The following GSTCD variants were observed in gnomAD, a reference collection of about 807,000 sequenced individuals.
GSTCD encodes the protein glutathione S-transferase C-terminal domain-containing protein.
GSTCD carries 44 observed loss-of-function variants against 68.3 expected under a neutral mutation model. The ratio of observed to expected loss-of-function variants is 0.64; its 90% CI spans 0.51 to 0.83. The LOEUF is 0.83. Ranked by LOEUF, GSTCD falls within the 40% of genes least tolerant of loss-of-function variation. GSTCD has a pLI of 0.00. For synonymous variants in GSTCD, 273 were observed against 255.2 expected (o/e 1.07, Z -0.67); for missense variants, 739 against 735.9 (o/e 1.00, Z -0.05).
Position 105,718,037 on chromosome 4 carries a change from G to A in GSTCD, c.424G>A (p.Glu142Lys). ...AAAGACTTGCTTGAAAGCCTGTGCT[G>A]AAGTAAGTATAATGTCTTTTTTCTG... is the stretch of plus-strand genomic sequence containing the variant. ...FKKTCLKACA[E>K]VSQWTRLCEL... is the part of the protein sequence containing the mutation. The change falls in exon 2 of 12, where the codon GAA (glutamate) becomes AAA (lysine). Residue 142 changes from glutamate (E) to lysine (K), a missense_variant and splice_region_variant. Transcript: ENST00000515279. The A allele has an allele frequency of 6.3e-7, 1 of 1,595,258 alleles. No individual in the cohort carries two copies. Among genetic ancestry groups the A allele is most frequent in the Non-Finnish European group, 8.5e-7 (1 of 1,172,974 alleles).
intron 5 of GSTCD, among the ~76,000 whole-genome samples, chr4:105,788,344 C>T (rs1463334605): frequency 6.6e-6 from 1 of 151,998 alleles, no homozygotes; most frequent in Non-Finnish European, 1.5e-5. Context: ...CCAGTTTTCC[C>T]AAAGTCACAA....
chr4:105,734,783 GCT>G (rs1299532016), intron 5 of GSTCD, among the ~76,000 whole-genome samples: 1 of 152,136 alleles, frequency 6.6e-6, no homozygotes, highest in African/African-American at 2.4e-5. Flanking sequence ...CAGCTTTTCT[GCT>G]CTGTTTTTTC....
intron 5 of GSTCD, among the ~76,000 whole-genome samples, chr4:105,744,259 A>G (rs1434506782): frequency 2.0e-5 from 3 of 152,228 alleles, no homozygotes; most frequent in Non-Finnish European, 4.4e-5. Context: ...AGTGCAGCCT[A>G]TCAGGAGGCA....
chr4:105,723,140 G>A (rs1026175347), intron 3 of GSTCD, among the ~76,000 whole-genome samples: 1 of 151,896 alleles, frequency 6.6e-6, no homozygotes, highest in African/African-American at 2.4e-5. Flanking sequence ...GAAGAGTACA[G>A]GAAAGATGAG....
chr4:105,732,088 G>A (rs550790053), intron 5 of GSTCD, among the ~76,000 whole-genome samples: 9 of 152,266 alleles, frequency 5.9e-5, no homozygotes, highest in Middle Eastern at 3.4e-3. Context: ...TGCTGGATTC[G>A]GGTTGCCAGT....
intron 5 of GSTCD, among the ~76,000 whole-genome samples, chr4:105,786,782 G>T (rs538538322): frequency 6.6e-6 from 1 of 152,104 alleles, no homozygotes; most frequent in Admixed American, 6.5e-5. Context: ...AATCAAAACC[G>T]TAATGAGATA....
chr4:105,830,032 G>A (rs1367727531), intron 8 of GSTCD, among the ~76,000 whole-genome samples: 1 of 151,880 alleles, frequency 6.6e-6, no homozygotes, highest in Non-Finnish European at 1.5e-5. Context: ...ATTTAGTCCA[G>A]GAATCAAATA....
Position 105,845,454 on chromosome 4 carries a change from G to A in GSTCD, c.1779G>A (p.Met593Ile). The change falls in exon 12 of 12, where the codon ATG (methionine) becomes ATA (isoleucine). Residue 593 changes from methionine to isoleucine, a missense_variant. By Grantham distance (10) the Met-to-Ile change is conservative. Coordinates refer to ENST00000515279, the MANE Select transcript of GSTCD (RefSeq NM_001370181.1). ...ACTGTGTTTCAGGAAAACAGTGCAT[G>A]TGCTTGGTGGATCTGGATCGAGCAA... ...PQRRLIGKQC[M>I]CLVDLDRARA... 1 of 1,614,158 alleles carries A rather than the reference G, an allele frequency of 6.2e-7. No homozygotes were observed. The highest frequency in any genetic ancestry group is 8.5e-7 in the Non-Finnish European group (1 of 1,180,012).
intron 5 of GSTCD, among the ~76,000 whole-genome samples, chr4:105,739,638 G>C (rs771880883): frequency 5.9e-4 from 90 of 152,304 alleles, no homozygotes; most frequent in Admixed American, 1.3e-3. Context: ...CGAAGAGACT[G>C]TGTACCTTTT....
chr4:105,730,150 C>T (rs1733181499), intron 5 of GSTCD, among the ~76,000 whole-genome samples: 1 of 152,174 alleles, frequency 6.6e-6, no homozygotes, highest in African/African-American at 2.4e-5. Flanking sequence ...CATTGATGGA[C>T]ATTTGGGTTG....
chr4:105,823,392 C>A, intron 7 of GSTCD, 117 bp downstream of exon 7: 1 of 740,850 alleles, frequency 1.3e-6, no homozygotes, highest in Non-Finnish European at 2.3e-6. Context: ...AAATATGTGG[C>A]ACAGGCATTG....
chr4:105,776,186 C>A (rs1735053261), intron 5 of GSTCD, among the ~76,000 whole-genome samples: 2 of 152,184 alleles, frequency 1.3e-5, no homozygotes, highest in Non-Finnish European at 2.9e-5. Context: ...ATGGCAGACA[C>A]CACTCCCCAC....
At chr4:105,711,869 A>G (rs1732549055) in intron 1 of GSTCD, among the ~76,000 whole-genome samples, 1 of 152,220 alleles carries the variant, frequency 6.6e-6, no homozygotes, top group Non-Finnish European at 1.5e-5. Flanking sequence ...TGCCCTGGAT[A>G]TAAGTATACA....
At chr4:105,726,855 T>G in intron 4 of GSTCD, 25 bp downstream of exon 4, 1 of 1,557,636 alleles carries the variant, frequency 6.4e-7, no homozygotes, top group Non-Finnish European at 8.7e-7. Flanking sequence ...ACATTTTCTT[T>G]GAAAAATTCT....
At chr4:105,755,164 T>C (rs1734143229) in intron 5 of GSTCD, among the ~76,000 whole-genome samples, 1 of 150,934 alleles carries the variant, frequency 6.6e-6, no homozygotes, top group African/African-American at 2.4e-5. Context: ...GAAGGATTGC[T>C]TGAGCCTGGG....
intron 10 of GSTCD, among the ~76,000 whole-genome samples, chr4:105,839,413 A>T (rs1167593619): frequency 6.6e-6 from 1 of 152,230 alleles, no homozygotes; most frequent in Non-Finnish European, 1.5e-5. Context: ...AGGCAGGCAG[A>T]TCACTTGAGA....
chr4:105,747,395 G>T (rs1426364095), intron 5 of GSTCD, among the ~76,000 whole-genome samples: 1 of 152,168 alleles, frequency 6.6e-6, no homozygotes, highest in Non-Finnish European at 1.5e-5. Flanking sequence ...TACAGGTCTG[G>T]GGTAGAGCCC....
chr4:105,813,458 C>T (rs181509022), intron 5 of GSTCD, among the ~76,000 whole-genome samples: 384 of 152,240 alleles, frequency 2.5e-3, no homozygotes, highest in Non-Finnish European at 4.8e-3. Context: ...ATAAAATTAC[C>T]TTCAGGCTAT....
intron 5 of GSTCD, among the ~76,000 whole-genome samples, chr4:105,784,585 GAATT>G (rs1735395243): frequency 6.6e-6 from 1 of 152,304 alleles, no homozygotes; most frequent in Middle Eastern, 3.4e-3. Flanking sequence ...ATTGTTGCCT[GAATT>G]AATTATCATT....
Sources: allele counts gnomAD v4.1 joint callset (sites outside exome capture counted in the v4.1 genomes callset), GRCh38; gene constraint gnomAD v4.1.1; transcripts MANE v1.5; gene names NCBI Gene and HGNC (gene_info 2026-07-23, HGNC 2026-07-21).